Variants in AFF2 observed in about 807,000 individuals in gnomAD.
AFF2 encodes the protein AF4/FMR2 family member 2.
Under a neutral mutation model 76.9 loss-of-function variants are expected in AFF2, and 14 were observed. The ratio of observed to expected loss-of-function variants is 0.18; its 90% CI spans 0.12 to 0.28. AFF2 has a LOEUF of 0.28. AFF2 is among the 10% of genes least tolerant of loss of function. The probability of loss-of-function intolerance (pLI) is 1.00; values close to 1 mark genes in which losing one functional copy is unlikely to be tolerated. For synonymous variants in AFF2, 398 were observed against 366.7 expected, an observed-to-expected ratio of 1.09 and a Z score of -0.98; for missense variants, 868 against 1,001.1, an observed-to-expected ratio of 0.87 and a Z score of 1.79.
chrX:148,967,376 G>T (rs1249633820), intron 14 of AFF2, among the ~76,000 whole-genome samples: 7 of 112,008 alleles, frequency 6.2e-5, no homozygotes, highest in Non-Finnish European at 1.1e-4. Flanking sequence ...GCTAGGTTTT[G>T]TTTGATCTAT....
At position 148,620,092 on chromosome X, in the gene AFF2, C is replaced by T. The variant is rs1240844652; in HGVS notation, c.48-31907C>T. On this transcript the variant is annotated intron_variant, in intron 1 of 20. Coordinates refer to ENST00000370460, the MANE Select transcript of AFF2 (RefSeq NM_002025.4). Reference sequence around the variant, plus strand: ...AGATGTAGTCAGCATTGTCAAACTCCGGAGTTCAGTCTCAACAGAACTGTC... The same window carrying T: ...AGATGTAGTCAGCATTGTCAAACTCTGGAGTTCAGTCTCAACAGAACTGTC... Among the ~76,000 whole-genome samples, 7 of 111,364 alleles carry T rather than the reference C, an allele frequency of 6.3e-5. No homozygotes were observed. The East Asian group carries it at 1.4e-3, about 23-fold the overall frequency.
chrX:148,774,567 C>T (rs944278017), intron 3 of AFF2, among the ~76,000 whole-genome samples: 2 of 111,316 alleles, frequency 1.8e-5, no homozygotes, highest in Non-Finnish European at 3.8e-5. Context: ...CTGTGTGTTT[C>T]CCCGGAGATA....
intron 1 of AFF2, among the ~76,000 whole-genome samples, chrX:148,551,781 T>C (rs1352135424): frequency 8.9e-6 from 1 of 111,757 alleles, no homozygotes; most frequent in Non-Finnish European, 1.9e-5. Context: ...ATATTCTGCC[T>C]GATGAGAGGG....
intron 1 of AFF2, among the ~76,000 whole-genome samples, chrX:148,518,882 C>T (rs782059220): frequency 9.0e-6 from 1 of 111,642 alleles, no homozygotes; most frequent in Non-Finnish European, 1.9e-5. Flanking sequence ...AATATTTTGT[C>T]TGTTGTTGGT....
chrX:148,535,650 C>T (rs782661125), intron 1 of AFF2, among the ~76,000 whole-genome samples: 4 of 111,934 alleles, frequency 3.6e-5, no homozygotes, highest in Non-Finnish European at 7.5e-5. Flanking sequence ...TTTGTTAATT[C>T]TTACTTCCCA....
chrX:148,640,982 A>T (rs1217499425), intron 1 of AFF2, among the ~76,000 whole-genome samples: 2 of 111,193 alleles, frequency 1.8e-5, no homozygotes, highest in Admixed American at 9.5e-5. Context: ...TTTGTTTCCT[A>T]CCCCAAGCCA....
At chrX:148,748,694 G>T (rs2055457318) in intron 3 of AFF2, among the ~76,000 whole-genome samples, 1 of 111,549 alleles carries the variant, frequency 9.0e-6, no homozygotes, top group African/African-American at 3.3e-5. Flanking sequence ...GGCTCAGAGA[G>T]CACCCTGGCC....
chrX:148,809,771 AT>A, intron 3 of AFF2, 104 bp from the exon 4 acceptor site: 3 of 825,587 alleles, frequency 3.6e-6, no homozygotes, highest in South Asian at 5.5e-5. Context: ...TAGGAAAAAA[AT>A]GATAGCTAGA....
chrX:148,967,769 CA>C (rs2072199320), intron 15 of AFF2, 77 bp downstream of exon 15: 2 of 1,015,527 alleles, frequency 2.0e-6, no homozygotes, highest in African/African-American at 3.8e-5. Flanking sequence ...AGCACTTTTC[CA>C]AACAAATTTT....
intron 1 of AFF2, among the ~76,000 whole-genome samples, chrX:148,581,562 ATATACG>A (rs201860855): frequency 0.01 from 520 of 50,948 alleles, 119 homozygotes; most frequent in African/African-American, 0.039. Context: ...GTACACACAT[ATATACG>A]TATACGTATA....
rs781878842 is a variant in AFF2, at chrX:148,693,793, C to T, written c.1041+31025C>T. 4.5e-4 allele frequency among the ~76,000 whole-genome samples: 50 copies of T among 112,210 alleles called. No homozygotes were observed. The East Asian group carries it at 5.1e-3, about 11-fold the overall frequency. ...AACAATCAGTCGTTTCAATGGAATG[C>T]ATGTTCCTGGCCTCACCTGGCAACA... On this transcript the variant is annotated intron_variant, in intron 3 of 20. Coordinates refer to ENST00000370460, the MANE Select transcript of AFF2 (RefSeq NM_002025.4).
intron 1 of AFF2, among the ~76,000 whole-genome samples, chrX:148,645,482 G>A (rs1267154208): frequency 4.5e-5 from 5 of 112,213 alleles, no homozygotes; most frequent in African/African-American, 1.6e-4. Flanking sequence ...TGGACACACT[G>A]TAAAATTCCT....
At chrX:148,893,900 G>A (rs1284229780) in intron 8 of AFF2, among the ~76,000 whole-genome samples, 2 of 111,600 alleles carry the variant, frequency 1.8e-5, no homozygotes, top group African/African-American at 6.5e-5. Context: ...CTGGGCTGGA[G>A]GAAGTGACTG....
Position 148,502,920 on chromosome X carries a change from A to T in AFF2, c.47+1776A>T, listed in dbSNP as rs782322427. On this transcript the variant is annotated intron_variant, in intron 1 of 20. Transcript: ENST00000370460. ...GGACTCTTTTATGTTTGATTTCTTT[A>T]AAAAAAATGATAGGCTCCCTCACCC... 8.0e-5 allele frequency among the ~76,000 whole-genome samples: 9 copies of T among 112,356 alleles called. No individual in the cohort carries two copies. The South Asian group carries it at 3.3e-3, about 41-fold the overall frequency.
At chrX:148,661,604 TATTTTTCTAATAAA>T (rs1456705456) in intron 2 of AFF2, among the ~76,000 whole-genome samples, 1 of 112,296 alleles carries the variant, frequency 8.9e-6, no homozygotes, top group Non-Finnish European at 1.9e-5. Flanking sequence ...CAGAATAAGT[TATTTTTCTAATAAA>T]ATTAATAAAT....
intron 3 of AFF2, among the ~76,000 whole-genome samples, chrX:148,677,593 T>C (rs957573002): frequency 9.8e-5 from 11 of 112,503 alleles, no homozygotes; most frequent in African/African-American, 3.5e-4. Flanking sequence ...ATGTTTTGTC[T>C]TTTGTAGTTT....
At chrX:148,866,372 G>A (rs1466422406) in intron 7 of AFF2, among the ~76,000 whole-genome samples, 1 of 112,466 alleles carries the variant, frequency 8.9e-6, no homozygotes, top group Admixed American at 9.4e-5. Flanking sequence ...AAAAAAGAAA[G>A]AAGCTGTATT....
At chrX:148,536,306 C>T (rs2052785878) in intron 1 of AFF2, among the ~76,000 whole-genome samples, 1 of 111,347 alleles carries the variant, frequency 9.0e-6, no homozygotes, top group Non-Finnish European at 1.9e-5. Context: ...CTTCCATCAG[C>T]AGGCAATCTT....
intron 9 of AFF2, among the ~76,000 whole-genome samples, chrX:148,914,703 T>C (rs187125524): frequency 8.9e-6 from 1 of 112,246 alleles, no homozygotes; most frequent in East Asian, 2.8e-4. Flanking sequence ...TTTCTTGCAT[T>C]TTTCAAAATG....
Sources: allele counts gnomAD v4.1 joint callset (sites outside exome capture counted in the v4.1 genomes callset), GRCh38; gene constraint gnomAD v4.1.1; transcripts MANE v1.5; gene names NCBI Gene and HGNC (gene_info 2026-07-23, HGNC 2026-07-21).